The following SEC14L2 variants were observed in gnomAD, a reference collection of about 807,000 sequenced individuals.
The protein encoded by SEC14L2 is SEC14 like lipid binding 2.
A neutral mutation model predicts 56.9 loss-of-function variants in SEC14L2; 50 were observed. The ratio of observed to expected loss-of-function variants is 0.88; its 90% CI spans 0.70 to 1.11. The LOEUF (loss-of-function observed/expected upper bound fraction) is 1.11. SEC14L2 is among the 50% of genes most tolerant of loss of function. SEC14L2 has a pLI of 0.00. For missense variants in SEC14L2, 414 were observed against 500.7 expected (o/e 0.83, Z 1.65); for synonymous variants, 179 against 188.5 (o/e 0.95, Z 0.41).
chr22:30,422,526 C>T lies in SEC14L2; in HGVS notation c.*119C>T. The T allele has an allele frequency of 7.8e-7, 1 of 1,284,444 alleles. No homozygotes were observed. The highest frequency in any genetic ancestry group is 2.4e-5 in the East Asian group (1 of 41,972). 79.6% of individuals were successfully genotyped at this position (1,284,444 alleles called of 1,614,324 possible). On this transcript the variant is annotated 3_prime_UTR_variant, in exon 12 of 12. Coordinates refer to ENST00000615189, the MANE Select transcript of SEC14L2 (RefSeq NM_012429.5). Reference sequence around the variant, plus strand: ...AGAAACTGGGCTGGAGGACAGACCTCAGGAGCTTTCATTTCAGTTAGGCAG... The same window carrying T: ...AGAAACTGGGCTGGAGGACAGACCTTAGGAGCTTTCATTTCAGTTAGGCAG...
chr22:30,402,292 A>G (rs1400401820), intron 2 of SEC14L2, among the ~76,000 whole-genome samples: 1 of 152,124 alleles, frequency 6.6e-6, no homozygotes, highest in Non-Finnish European at 1.5e-5. Context: ...CCAGCAGACT[A>G]GGGAGCTGCT....
Position 30,409,221 on chromosome 22 carries a change from A to G in SEC14L2, c.458A>G (p.Tyr153Cys). The change falls in exon 6 of 12, where the codon TAT becomes TGT. Residue 153 changes from tyrosine (Y) to cysteine (C), a missense_variant. Coordinates refer to ENST00000615189, the MANE Select transcript of SEC14L2 (RefSeq NM_012429.5). ...GRKVETITII[Y>C]DCEGLGLKHL... is the part of the protein sequence containing the mutation. Reference sequence around the variant, plus strand: ...AAGGTGGAGACCATCACCATAATTTATGACTGCGAGGGGCTTGGCCTCAAG... The same window carrying G: ...AAGGTGGAGACCATCACCATAATTTGTGACTGCGAGGGGCTTGGCCTCAAG... 6.2e-7 allele frequency: 1 copy of G among 1,612,470 alleles called. No individual in the cohort carries two copies. Among genetic ancestry groups the G allele is most frequent in the Non-Finnish European group, 8.5e-7 (1 of 1,179,340 alleles).
At chr22:30,419,726 C>T (rs1934467813) in intron 11 of SEC14L2, among the ~76,000 whole-genome samples, 1 of 152,078 alleles carries the variant, frequency 6.6e-6, no homozygotes, top group Admixed American at 6.6e-5. Flanking sequence ...AATATTATAT[C>T]CCAATAATAT....
intron 2 of SEC14L2, among the ~76,000 whole-genome samples, chr22:30,402,439 C>T (rs1040987587): frequency 6.6e-6 from 1 of 152,156 alleles, no homozygotes; most frequent in Non-Finnish European, 1.5e-5. Context: ...CACCCTACCC[C>T]CTCACAGTGG....
At chr22:30,406,071 G>A (rs1233971835) in intron 2 of SEC14L2, among the ~76,000 whole-genome samples, 2 of 152,048 alleles carry the variant, frequency 1.3e-5, no homozygotes, top group African/African-American at 2.4e-5. Context: ...ATAACCACTG[G>A]AGTAAAGCTC....
In SEC14L2 at chr22:30,399,653, A is replaced by G; in HGVS notation, c.65A>G (p.Asn22Ser). The change falls in exon 2 of 12, where the codon AAT becomes AGT. Residue 22 changes from asparagine (N) to serine (S), a missense_variant. Physicochemically the swap from Asn to Ser is conservative, Grantham distance 46. Coordinates refer to ENST00000615189, the MANE Select transcript of SEC14L2 (RefSeq NM_012429.5). ...QKEALAKFRE[N>S]VQDVLPALPN... is the part of the protein sequence containing the mutation. ...TGCCTCTCCCTACAGTTTCGGGAGA[A>G]TGTCCAGGATGTGCTGCCGGCCCTG... The G allele has an allele frequency of 1.2e-6, 2 of 1,613,652 alleles. No homozygotes were observed. The highest frequency in any genetic ancestry group is 1.7e-6 in the Non-Finnish European group (2 of 1,179,726).
Position 30,409,472 on chromosome 22 carries a change from T to C in SEC14L2, c.566T>C (p.Leu189Pro). 1.2e-6 allele frequency: 2 copies of C among 1,614,120 alleles called. No individual in the cohort carries two copies. The highest frequency in any genetic ancestry group is 1.7e-6 in the Non-Finnish European group (2 of 1,179,964). ...EENYPETLKR[L>P]FVVKAPKLFP... ...AATTATCCCGAAACACTGAAGCGTC[T>C]TTTTGTTGTTAAAGGTAAGTTGGGA... Residue 189 changes from leucine (L) to proline (P), a missense_variant, in exon 7 of 12, where the codon CTT becomes CCT. Transcript: ENST00000615189.
intron 8 of SEC14L2, among the ~76,000 whole-genome samples, chr22:30,414,885 G>A (rs547599381): frequency 6.6e-6 from 1 of 152,286 alleles, no homozygotes; most frequent in African/African-American, 2.4e-5. Flanking sequence ...CTACAGAGAT[G>A]CATTTACTTA....
rs1204937706 is a variant in SEC14L2, at chr22:30,407,131, A to G, written c.211A>G (p.Ile71Val). Residue 71 changes from isoleucine (I) to valine (V), a missense_variant, in exon 4 of 12, where the codon ATC becomes GTC. Ile to Val is a conservative substitution (Grantham distance 29). Coordinates refer to ENST00000615189, the MANE Select transcript of SEC14L2 (RefSeq NM_012429.5). ...EFRKQKDIDN[I>V]ISWQPPEVIQ... The stretch of plus-strand genomic sequence containing the variant: ...CCGAAAGCAAAAGGACATTGACAAC[A>G]TCATTAGCTGGCAGCCTCCAGAGGT... 6.2e-7 allele frequency: 1 copy of G among 1,613,976 alleles called. No homozygotes were observed. Among genetic ancestry groups the G allele is most frequent in the Admixed American group, 1.7e-5 (1 of 60,020 alleles).
chr22:30,403,980 G>A lies in SEC14L2; in HGVS notation c.131-2362G>A, dbSNP rs577118179. Among the ~76,000 whole-genome samples, 42 of 133,454 alleles carry A rather than the reference G, an allele frequency of 3.1e-4. No homozygotes were observed. In the South Asian group the frequency reaches 9.1e-3, roughly 29 times the overall value. The allele number at this position is 133,454 out of a possible 152,430, so 87.6% of individuals were successfully genotyped here. A position where few individuals can be genotyped will look rare whatever the true frequency, so the allele number is the denominator to read the frequency against. The stretch of plus-strand genomic sequence containing the variant: ...ATTGCGCCACTGCAGTCCGCAGTCC[G>A]GCCTGGGCGACAGAGCGAGACTCCG... On this transcript the variant is annotated intron_variant, in intron 2 of 11. Transcript: ENST00000615189.
chr22:30,407,019 T>C, intron 3 of SEC14L2, 76 bp from the exon 4 acceptor site: 4 of 1,488,050 alleles, frequency 2.7e-6, no homozygotes, highest in Non-Finnish European at 3.7e-6. Flanking sequence ...CCCAAAGTGC[T>C]GGGATTACAG....
At chr22:30,419,770 C>A (rs964295613) in intron 11 of SEC14L2, among the ~76,000 whole-genome samples, 1 of 151,968 alleles carries the variant, frequency 6.6e-6, no homozygotes, top group Non-Finnish European at 1.5e-5. Flanking sequence ...ATTTAAAAAT[C>A]AATATAATCT....
intron 3 of SEC14L2, 41 bp downstream of exon 3, chr22:30,406,426 G>A: frequency 6.2e-7 from 1 of 1,606,982 alleles, no homozygotes; most frequent in Non-Finnish European, 8.5e-7. Flanking sequence ...CTCCCCATCA[G>A]AATCACTCCT....
At position 30,410,604 on chromosome 22, in the gene SEC14L2, C is replaced by T. The variant is rs1279205259; in HGVS notation, c.589C>T (p.Leu197=). ...TCTGGTCTCTGTTCCAGCCCCCAAA[C>T]TGTTTCCTGTGGCCTATAACCTCAT... is the stretch of plus-strand genomic sequence containing the variant. ...KRLFVVKAPK[L]FPVAYNLIKP... is the part of the protein sequence containing the mutation. Residue 197 remains leucine, a synonymous_variant, in exon 8 of 12, where the codon CTG becomes TTG. Transcript: ENST00000615189. 9.3e-6 allele frequency: 15 copies of T among 1,614,030 alleles called. No homozygotes were observed. Among genetic ancestry groups the T allele is most frequent in the Non-Finnish European group, 1.1e-5 (13 of 1,179,962 alleles).
Position 30,407,586 on chromosome 22 carries a change from GC to G in SEC14L2, c.409del (p.His137ThrfsTer15). On this transcript the variant is annotated frameshift_variant, in exon 5 of 12. Coordinates refer to ENST00000615189, the MANE Select transcript of SEC14L2 (RefSeq NM_012429.5). LOFTEE classifies it high-confidence loss of function. ...RECELLLQEC[A>X]HQTTKLGRKV... ...GTGTGAGCTGCTTCTGCAAGAGTGT[GC>G]CCACCAGACCACAAAGGTGAGTGGA... 6.2e-7 allele frequency: 1 copy of G among 1,613,912 alleles called. No homozygotes were observed. The highest frequency in any genetic ancestry group is 8.5e-7 in the Non-Finnish European group (1 of 1,179,954).
At chr22:30,416,560 C>G (rs5997642) in intron 11 of SEC14L2, 157 bp downstream of exon 11, 1,094,263 of 1,512,930 alleles carry the variant, frequency 0.72, 398,222 homozygotes, top group South Asian at 0.89. Context: ...AGAAATCTAG[C>G]CTTGGAGACT....
At chr22:30,416,688 C>G in intron 11 of SEC14L2, 1 of 1,414,850 alleles carries the variant, frequency 7.1e-7, no homozygotes, top group Non-Finnish European at 9.2e-7. Context: ...CTTTCTGGTC[C>G]AGGTCTAACT....
intron 1 of SEC14L2, 141 bp downstream of exon 1, chr22:30,397,311 G>C: frequency 1.3e-6 from 1 of 762,514 alleles, no homozygotes; most frequent in Non-Finnish European, 2.0e-6. Context: ...TCCCAGCCTG[G>C]CCCGCGCCCG....
At position 30,424,617 on chromosome 22, in the gene SEC14L2, C is replaced by T; in HGVS notation, c.*2210C>T. 1 of 438,292 alleles carries T rather than the reference C, an allele frequency of 2.3e-6. No homozygotes were observed. The highest frequency in any genetic ancestry group is 4.6e-6 in the Non-Finnish European group (1 of 218,922). The allele number at this position is 438,292 out of a possible 1,614,324, so 27.2% of individuals were successfully genotyped here. A position where few individuals can be genotyped will look rare whatever the true frequency, so the allele number is the denominator to read the frequency against. ...ATAAGCCGTGCAAAGCGCTTAAGAG[C>T]TTGGTATAAGTAAGTGCTCGTCAAT... On this transcript the variant is annotated 3_prime_UTR_variant, in exon 12 of 12. Coordinates refer to ENST00000615189, the MANE Select transcript of SEC14L2 (RefSeq NM_012429.5).
Sources: allele counts gnomAD v4.1 joint callset (sites outside exome capture counted in the v4.1 genomes callset), GRCh38; gene constraint gnomAD v4.1.1; transcripts MANE v1.5; gene names NCBI Gene and HGNC (gene_info 2026-07-23, HGNC 2026-07-21).